Variants in SORCS3 observed in about 807,000 individuals in gnomAD.
SORCS3 encodes the protein VPS10 domain-containing receptor SorCS3.
Under a neutral mutation model 146.3 loss-of-function variants are expected in SORCS3, and 57 were observed. That is an observed-to-expected ratio of 0.39 (90% CI 0.31 to 0.49). The LOEUF is 0.49. Ranked by LOEUF, SORCS3 falls within the 20% of genes least tolerant of loss-of-function variation. SORCS3 has a pLI of 0.92. For missense variants in SORCS3, 1,341 were observed against 1,575.5 expected (o/e 0.85, Z 2.52); for synonymous variants, 653 against 618.5 (o/e 1.06, Z -0.83).
intron 4 of SORCS3, among the ~76,000 whole-genome samples, chr10:105,026,303 G>A (rs959170947): frequency 9.9e-5 from 15 of 152,094 alleles, no homozygotes; most frequent in Admixed American, 5.9e-4. Context: ...CTCTAGACTC[G>A]CCGCTCCACT....
At chr10:104,886,792 T>C (rs2018693132) in intron 2 of SORCS3, among the ~76,000 whole-genome samples, 1 of 152,220 alleles carries the variant, frequency 6.6e-6, no homozygotes, top group Non-Finnish European at 1.5e-5. Context: ...AAAATGTTTT[T>C]TCCTTTATTG....
intron 1 of SORCS3, among the ~76,000 whole-genome samples, chr10:104,669,190 G>A (rs2015820946): frequency 6.6e-6 from 1 of 152,154 alleles, no homozygotes; most frequent in Admixed American, 6.5e-5. Context: ...TAATATACAT[G>A]TACTAGAGTG....
intron 3 of SORCS3, among the ~76,000 whole-genome samples, chr10:104,966,130 G>A (rs1305552765): frequency 4.0e-5 from 6 of 151,462 alleles, no homozygotes; most frequent in Admixed American, 3.3e-4. Context: ...AGCATCCCTC[G>A]CCTCTGCCCA....
In SORCS3 at chr10:105,027,005, G is replaced by A. The variant is rs57951765; in HGVS notation, c.955-16050G>A. Among the ~76,000 whole-genome samples the A allele has an allele frequency of 3.4e-3, 518 of 152,116 alleles. 3 individuals are homozygous for A. The highest frequency in any genetic ancestry group is 0.012 in the African/African-American group (496 of 41,502). ...AAGTTGAAATTAAGCAAACAGAAAC[G>A]CCAAGACCCTGTCCAGGTAAAACCT... On this transcript the variant is annotated intron_variant, in intron 4 of 26. Transcript: ENST00000369701.
intron 3 of SORCS3, among the ~76,000 whole-genome samples, chr10:104,951,440 C>A (rs2019427947): frequency 6.6e-6 from 1 of 152,016 alleles, no homozygotes; most frequent in South Asian, 2.1e-4. Context: ...CCAAGTGATC[C>A]TTAAGAAAGG....
At chr10:104,791,705 C>G (rs1427212420) in intron 1 of SORCS3, among the ~76,000 whole-genome samples, 3 of 152,164 alleles carry the variant, frequency 2.0e-5, no homozygotes. Flanking sequence ...CACCTTTTCA[C>G]TTTGGCTGCA....
intron 7 of SORCS3, among the ~76,000 whole-genome samples, chr10:105,108,291 A>G (rs995384979): frequency 6.6e-6 from 1 of 152,024 alleles, no homozygotes; most frequent in East Asian, 1.9e-4. Flanking sequence ...GCAGTTAGAG[A>G]TTTGAGTCTG....
At chr10:105,166,294 A>G (rs776627568) in intron 12 of SORCS3, among the ~76,000 whole-genome samples, 1 of 152,038 alleles carries the variant, frequency 6.6e-6, no homozygotes, top group Non-Finnish European at 1.5e-5. Context: ...AGCCCTCTTC[A>G]CTTAACCCAC....
chr10:105,076,185 C>G (rs1420525646), intron 5 of SORCS3, among the ~76,000 whole-genome samples: 1 of 152,186 alleles, frequency 6.6e-6, no homozygotes, highest in African/African-American at 2.4e-5. Flanking sequence ...TTAACTATAA[C>G]TTGCCCAAGG....
chr10:105,051,065 T>A (rs1308436707), intron 5 of SORCS3, among the ~76,000 whole-genome samples: 1 of 152,102 alleles, frequency 6.6e-6, no homozygotes, highest in Non-Finnish European at 1.5e-5. Flanking sequence ...CTTAATATCA[T>A]GAGATTGCCT....
intron 5 of SORCS3, among the ~76,000 whole-genome samples, chr10:105,076,301 A>T (rs1469028892): frequency 6.6e-6 from 1 of 152,208 alleles, no homozygotes; most frequent in Non-Finnish European, 1.5e-5. Flanking sequence ...TTTGTCTAAA[A>T]ATGCACGTGA....
chr10:105,062,462 T>C (rs1227502285), intron 5 of SORCS3, among the ~76,000 whole-genome samples: 1 of 152,182 alleles, frequency 6.6e-6, no homozygotes, highest in Non-Finnish European at 1.5e-5. Context: ...GGGAGAACTG[T>C]TCTTTCTGGG....
intron 5 of SORCS3, 64 bp downstream of exon 5, chr10:105,043,192 A>C: frequency 7.0e-7 from 1 of 1,421,922 alleles, no homozygotes; most frequent in Admixed American, 1.7e-5. Flanking sequence ...GTAGCACTCT[A>C]GACAGCTCTG....
chr10:104,651,312 C>T (rs1055557971), intron 1 of SORCS3, among the ~76,000 whole-genome samples: 2 of 152,130 alleles, frequency 1.3e-5, no homozygotes, highest in Non-Finnish European at 2.9e-5. Context: ...GTCTCTAAGC[C>T]TTAGTTTCAC....
At chr10:105,262,141 T>G (rs1448962071) in intron 25 of SORCS3, among the ~76,000 whole-genome samples, 190 bp from the exon 26 acceptor site, 1 of 152,194 alleles carries the variant, frequency 6.6e-6, no homozygotes, top group Non-Finnish European at 1.5e-5. Context: ...TCCCTGGGCA[T>G]CTGGGTTCCT....
intron 1 of SORCS3, among the ~76,000 whole-genome samples, chr10:104,643,386 T>C (rs940590145): frequency 3.3e-5 from 5 of 152,218 alleles, no homozygotes; most frequent in African/African-American, 1.2e-4. Context: ...TGCAGATTTC[T>C]TGGTTTCTAA....
chr10:104,807,609 A>C (rs1043430185), intron 1 of SORCS3, among the ~76,000 whole-genome samples: 1 of 152,170 alleles, frequency 6.6e-6, no homozygotes, highest in East Asian at 1.9e-4. Context: ...GGGAGGGTGG[A>C]GCAGCATCCA....
intron 2 of SORCS3, among the ~76,000 whole-genome samples, chr10:104,845,857 A>C (rs2018197877): frequency 6.6e-6 from 1 of 152,174 alleles, no homozygotes; most frequent in Admixed American, 6.5e-5. Flanking sequence ...CACAGGGCAA[A>C]GTCCAGGTGA....
chr10:105,072,967 G>T (rs1447703082), intron 5 of SORCS3, among the ~76,000 whole-genome samples: 6 of 152,108 alleles, frequency 3.9e-5, no homozygotes, highest in African/African-American at 1.4e-4. Flanking sequence ...AAATATTGCT[G>T]TTATTCCCTC....
Sources: gnomAD v4.1 joint callset for allele counts (sites outside exome capture counted in the v4.1 genomes callset) on GRCh38, gnomAD v4.1.1 for gene constraint, MANE v1.5 for transcripts, NCBI Gene and HGNC (gene_info 2026-07-23, HGNC 2026-07-21) for gene names.